PIEZO2: variants seen among roughly 807,000 people sequenced by gnomAD.
PIEZO2 encodes the protein piezo-type mechanosensitive ion channel component 2.
PIEZO2 carries 172 observed loss-of-function variants against 337.3 expected under a neutral mutation model. The observed-to-expected ratio is 0.51, with a 90% confidence interval of 0.45 to 0.58. The LOEUF (loss-of-function observed/expected upper bound fraction) is 0.58. Ranked by LOEUF, PIEZO2 falls within the 20% of genes least tolerant of loss-of-function variation. PIEZO2 has a pLI of 0.00. For missense variants in PIEZO2, 3,028 were observed against 3,391.3 expected (o/e 0.89, Z 2.66); for synonymous variants, 1,251 against 1,228.5 (o/e 1.02, Z -0.38).
chr18:10,691,808 G>GAA (rs1567953273), intron 47 of PIEZO2, among the ~76,000 whole-genome samples: 4 of 82,530 alleles, frequency 4.8e-5, no homozygotes, highest in Non-Finnish European at 7.1e-5. Context: ...TATAGAGAGA[G>GAA]AGAGAGAGGA....
At chr18:10,907,054 C>T (rs1195132466) in intron 4 of PIEZO2, among the ~76,000 whole-genome samples, 1 of 152,208 alleles carries the variant, frequency 6.6e-6, no homozygotes, top group Non-Finnish European at 1.5e-5. Context: ...GGTTGCTACA[C>T]TTCCCAGAAA....
At chr18:11,060,737 A>G (rs1451352451) in intron 2 of PIEZO2, among the ~76,000 whole-genome samples, 5 of 152,214 alleles carry the variant, frequency 3.3e-5, no homozygotes, top group Admixed American at 6.5e-5. Context: ...TAGACCAATA[A>G]CAGGCTCTGA....
At chr18:10,752,957 G>A (rs1291959854) in intron 27 of PIEZO2, 78 bp from the exon 28 acceptor site, 32 of 1,463,510 alleles carry the variant, frequency 2.2e-5, no homozygotes, top group Non-Finnish European at 2.9e-5. Context: ...CTTTAACAAG[G>A]GAAGAAATTC....
chr18:11,137,783 C>T (rs1057042200), intron 1 of PIEZO2, among the ~76,000 whole-genome samples: 1 of 152,218 alleles, frequency 6.6e-6, no homozygotes, highest in African/African-American at 2.4e-5. Context: ...GGTCTTCATC[C>T]TTCTTCCTTT....
At chr18:11,095,577 G>A (rs1442463390) in intron 1 of PIEZO2, among the ~76,000 whole-genome samples, 1 of 152,188 alleles carries the variant, frequency 6.6e-6, no homozygotes, top group Non-Finnish European at 1.5e-5. Context: ...TATTTCTTAA[G>A]AGTGCATAAA....
intron 3 of PIEZO2, among the ~76,000 whole-genome samples, chr18:10,974,352 T>G (rs1214606878): frequency 1.3e-5 from 2 of 152,152 alleles, no homozygotes; most frequent in African/African-American, 4.8e-5. Context: ...ATGCCCCTCC[T>G]CCCACAGGGG....
intron 11 of PIEZO2, among the ~76,000 whole-genome samples, chr18:10,799,701 G>A (rs527596943): frequency 2.6e-5 from 4 of 152,264 alleles, no homozygotes; most frequent in East Asian, 1.9e-4. Flanking sequence ...AGCCGGGTGC[G>A]GTGGCCCACC....
intron 1 of PIEZO2, among the ~76,000 whole-genome samples, chr18:11,115,685 T>C (rs1364690248): frequency 6.6e-6 from 1 of 152,178 alleles, no homozygotes; most frequent in Non-Finnish European, 1.5e-5. Context: ...GCAAGAAGCA[T>C]TCTATACTTT....
chr18:10,968,877 C>T (rs919734195), intron 3 of PIEZO2, among the ~76,000 whole-genome samples: 1 of 152,152 alleles, frequency 6.6e-6, no homozygotes, highest in Admixed American at 6.6e-5. Context: ...ATATTAGCAA[C>T]TGCTTTGCCA....
rs2034340235 is a variant in PIEZO2 at position 10,973,949 on chromosome 18, A to G, written c.286+5586T>C. On this transcript the variant is annotated intron_variant, in intron 3 of 55. Transcript: ENST00000674853. This position sits in a 1 kb window ranked among gnomAD's most constrained non-coding sequence, Gnocchi z 4.9. ...GTGTGAGAATGGAATTATTTGTATGAGGATGGATCCACCAGGTGATTCTGC... is the reference window on the plus strand; with the variant it reads ...GTGTGAGAATGGAATTATTTGTATGGGGATGGATCCACCAGGTGATTCTGC... Among the ~76,000 whole-genome samples, 1 of 152,254 alleles carries G rather than the reference A, an allele frequency of 6.6e-6. No homozygotes were observed. Among genetic ancestry groups the G allele is most frequent in the South Asian group, 2.1e-4 (1 of 4,832 alleles).
intron 1 of PIEZO2, among the ~76,000 whole-genome samples, chr18:11,088,963 T>C (rs76095302): frequency 0.064 from 9,695 of 152,284 alleles, 418 homozygotes; most frequent in Middle Eastern, 0.1. Flanking sequence ...CAGGTAACCA[T>C]GCAAAGAACA....
intron 3 of PIEZO2, among the ~76,000 whole-genome samples, chr18:10,930,509 C>T (rs1352988170): frequency 6.6e-6 from 1 of 152,200 alleles, no homozygotes. Flanking sequence ...ACTTCTGTCC[C>T]CTAAAATGTA....
Position 10,987,782 on chromosome 18 carries a change from G to T in PIEZO2, c.161-8122C>A, listed in dbSNP as rs544884270. 9.9e-5 allele frequency among the ~76,000 whole-genome samples: 15 copies of T among 152,026 alleles called. No homozygotes were observed. The South Asian group carries it at 3.1e-3, about 32-fold the overall frequency. On this transcript the variant is annotated intron_variant, in intron 2 of 55. Transcript: ENST00000674853. Reference sequence around the variant, plus strand: ...ATATAGGGAATTGGAGACAATACTTGTAAACCATATATCTGATAAGAGGTT... The same window carrying T: ...ATATAGGGAATTGGAGACAATACTTTTAAACCATATATCTGATAAGAGGTT...
Position 10,705,424 on chromosome 18 carries a change from G to A in PIEZO2, c.5911C>T (p.Pro1971Ser). ...AGCTTGTCGGTGCGGCTGTCGTCCG[G>A]GCTGACTGCCATACGGTTCTTGCCT... ...SAGKNRMAVS[P>S]DDSRTDKLGS... is the part of the protein sequence containing the mutation. Residue 1971 changes from proline (P) to serine (S), a missense_variant, in exon 41 of 56, where the codon CCG becomes TCG. Around this residue, in one of 5 missense-constraint regions of PIEZO2, gnomAD observed 1,925 missense variants for 2,051.9 expected, o/e 0.94. Coordinates refer to ENST00000674853, the MANE Select transcript of PIEZO2 (RefSeq NM_001378183.1). The A allele has an allele frequency of 6.5e-7, 1 of 1,537,262 alleles. No individual in the cohort carries two copies. Among genetic ancestry groups the A allele is most frequent in the East Asian group, 2.4e-5 (1 of 40,912 alleles).
chr18:10,734,166 A>G (rs2036900795), intron 35 of PIEZO2, among the ~76,000 whole-genome samples: 2 of 152,224 alleles, frequency 1.3e-5, no homozygotes, highest in Non-Finnish European at 2.9e-5. Context: ...GTTATATTTC[A>G]TTTAAATAAA....
chr18:10,847,665 T>C lies in PIEZO2; in HGVS notation c.917+7688A>G, dbSNP rs1438356144. The stretch of plus-strand genomic sequence containing the variant: ...TCAAGTATTTAAGTTCTGTTGATTT[T>C]CCACTTATCTGTGTAAAGTCAATTT... On this transcript the variant is annotated intron_variant, in intron 7 of 55. Coordinates refer to ENST00000674853, the MANE Select transcript of PIEZO2 (RefSeq NM_001378183.1). This position sits in a 1 kb window ranked among gnomAD's most constrained non-coding sequence, Gnocchi z 5.7. Among the ~76,000 whole-genome samples the C allele has an allele frequency of 2.0e-5, 3 of 152,188 alleles. No individual in the cohort carries two copies. The highest frequency in any genetic ancestry group is 4.4e-5 in the Non-Finnish European group (3 of 68,036).
At chr18:10,772,987 T>C (rs1332945800) in intron 20 of PIEZO2, among the ~76,000 whole-genome samples, 1 of 152,220 alleles carries the variant, frequency 6.6e-6, no homozygotes. Flanking sequence ...GCTAGAAATA[T>C]ATTCTTAATT....
At chr18:10,806,397 G>A (rs2040004377) in intron 8 of PIEZO2, among the ~76,000 whole-genome samples, 1 of 152,182 alleles carries the variant, frequency 6.6e-6, no homozygotes, top group Non-Finnish European at 1.5e-5. Flanking sequence ...TGTCACTGAA[G>A]GAGAAAAGAG....
At position 10,993,900 on chromosome 18, in the gene PIEZO2, T is replaced by C. The variant is rs1372321063; in HGVS notation, c.161-14240A>G. Reference sequence around the variant, plus strand: ...TAGGTTTTGGGGAACAGGTGATATTTGGTTACACAAGTAAGTTCTTTGGTA... The same window carrying C: ...TAGGTTTTGGGGAACAGGTGATATTCGGTTACACAAGTAAGTTCTTTGGTA... On this transcript the variant is annotated intron_variant, in intron 2 of 55. Transcript: ENST00000674853. The surrounding 1 kb of genome is among the most constrained non-coding windows in gnomAD (Gnocchi z 5.0). Among the ~76,000 whole-genome samples the C allele has an allele frequency of 2.0e-5, 3 of 152,294 alleles. No individual in the cohort carries two copies. In the East Asian group the frequency reaches 5.8e-4, roughly 29 times the overall value.
Sources: gnomAD v4.1 joint callset for allele counts (sites outside exome capture counted in the v4.1 genomes callset) on GRCh38, gnomAD v4.1.1 for gene constraint, gnomAD v4.1.1 regional missense constraint, Gnocchi (gnomAD v3.1) non-coding constraint, MANE v1.5 for transcripts, NCBI Gene and HGNC (gene_info 2026-07-23, HGNC 2026-07-21) for gene names.